The following RAB27A variants were observed in gnomAD, a reference collection of about 807,000 sequenced individuals.
RAB27A encodes the protein RAB27A, member RAS oncogene family.
RAB27A carries 17 observed loss-of-function variants against 20.8 expected under a neutral mutation model. That is an observed-to-expected ratio of 0.82 (90% CI 0.56 to 1.23). The LOEUF (loss-of-function observed/expected upper bound fraction) is 1.23. Among genes scored for constraint, RAB27A ranks in the 50% most tolerant of loss-of-function variants. RAB27A has a pLI of 0.00. For missense variants in RAB27A, 277 were observed against 266.7 expected, an observed-to-expected ratio of 1.04 and a Z score of -0.27; for synonymous variants, 85 against 92.8, an observed-to-expected ratio of 0.92 and a Z score of 0.48.
intron 2 of RAB27A, among the ~76,000 whole-genome samples, chr15:55,235,757 G>T (rs1420339695): frequency 6.6e-6 from 1 of 151,840 alleles, no homozygotes; most frequent in African/African-American, 2.4e-5. Context: ...TCAATGAGTA[G>T]ATAAAGAAAT....
intron 6 of RAB27A, among the ~76,000 whole-genome samples, chr15:55,211,666 G>A (rs1895031938): frequency 6.6e-6 from 1 of 152,006 alleles, no homozygotes; most frequent in African/African-American, 2.4e-5. Context: ...TAATCTTTAG[G>A]TTAGAAAAAA....
chr15:55,221,526 G>T (rs1895569697), intron 6 of RAB27A, among the ~76,000 whole-genome samples: 1 of 152,100 alleles, frequency 6.6e-6, no homozygotes, highest in Admixed American at 6.5e-5. Context: ...CTCCCCCTCA[G>T]AATCACCTAA....
intron 1 of RAB27A, among the ~76,000 whole-genome samples, chr15:55,283,148 G>C (rs1405757954): frequency 1.3e-5 from 2 of 152,128 alleles, no homozygotes; most frequent in Non-Finnish European, 2.9e-5. Context: ...ATAATCCTTT[G>C]TTGGGGGCTC....
At chr15:55,305,386 G>A (rs1042355524) in intron 2 of RAB27A, among the ~76,000 whole-genome samples, 3 of 152,188 alleles carry the variant, frequency 2.0e-5, no homozygotes, top group Non-Finnish European at 4.4e-5. Flanking sequence ...AGGGGTCCAC[G>A]GTAGATCTTA....
intron 5 of RAB27A, among the ~76,000 whole-genome samples, chr15:55,226,472 C>T (rs543336779): frequency 6.6e-6 from 1 of 152,080 alleles, no homozygotes; most frequent in Non-Finnish European, 1.5e-5. Flanking sequence ...TTTAATGCAA[C>T]ACTGTGTTCT....
chr15:55,275,765 T>C (rs1271892976), intron 1 of RAB27A, among the ~76,000 whole-genome samples: 3 of 151,798 alleles, frequency 2.0e-5, no homozygotes, highest in African/African-American at 7.3e-5. Context: ...AAAAATTTAA[T>C]GGGCGAAAGA....
intron 2 of RAB27A, among the ~76,000 whole-genome samples, chr15:55,311,755 C>A (rs968384408): frequency 1.3e-5 from 2 of 152,120 alleles, no homozygotes; most frequent in Admixed American, 1.3e-4. Context: ...GAATATAAGT[C>A]GTTTATTTCT....
chr15:55,206,921 T>C (rs977245700), intron 6 of RAB27A, among the ~76,000 whole-genome samples: 8 of 152,298 alleles, frequency 5.3e-5, no homozygotes, highest in African/African-American at 1.4e-4. Flanking sequence ...GCATTTCATA[T>C]AACTTGCAAA....
At chr15:55,300,208 C>G (rs2054966172) in intron 2 of RAB27A, among the ~76,000 whole-genome samples, 1 of 152,066 alleles carries the variant, frequency 6.6e-6, no homozygotes, top group African/African-American at 2.4e-5. Flanking sequence ...AAAGGGCAAC[C>G]TGCGTATGAC....
At chr15:55,316,099 G>C (rs1193674670) in intron 1 of RAB27A, among the ~76,000 whole-genome samples, 3 of 152,084 alleles carry the variant, frequency 2.0e-5, no homozygotes, top group African/African-American at 7.2e-5. Context: ...AGGTGTGGTG[G>C]TGCACACATG....
chr15:55,210,092 A>ATGTG (rs142523466), intron 6 of RAB27A, among the ~76,000 whole-genome samples: 1 of 143,572 alleles, frequency 7.0e-6, no homozygotes, highest in South Asian at 2.2e-4. Context: ...ATACACATAT[A>ATGTG]TGTGTGTATA....
At chr15:55,230,691 A>G (rs1337270509) in intron 3 of RAB27A, among the ~76,000 whole-genome samples, 2 of 152,106 alleles carry the variant, frequency 1.3e-5, no homozygotes, top group Non-Finnish European at 2.9e-5. Flanking sequence ...TATATATCTT[A>G]TAAATATATT....
chr15:55,240,760 T>C (rs532012415), intron 2 of RAB27A, among the ~76,000 whole-genome samples: 1 of 152,370 alleles, frequency 6.6e-6, no homozygotes, highest in African/African-American at 2.4e-5. Flanking sequence ...TTATCAATTC[T>C]AACATGCTTT....
chr15:55,287,333 G>A (rs1898183690), intron 1 of RAB27A, among the ~76,000 whole-genome samples: 1 of 152,168 alleles, frequency 6.6e-6, no homozygotes, highest in African/African-American at 2.4e-5. Flanking sequence ...AGAAGACTAG[G>A]GGAAAAGCAG....
At chr15:55,223,020 C>T (rs1487883315) in intron 6 of RAB27A, among the ~76,000 whole-genome samples, 3 of 152,008 alleles carry the variant, frequency 2.0e-5, no homozygotes, top group African/African-American at 7.3e-5. Context: ...TGCTATGATC[C>T]TATTCCCAGA....
rs1426246588 is a variant in RAB27A at position 55,203,748 on chromosome 15, T to A, written c.*1759A>T. 1 of 151,982 alleles carries A rather than the reference T, an allele frequency of 6.6e-6. No individual in the cohort carries two copies. The highest frequency in any genetic ancestry group is 6.6e-5 in the Admixed American group (1 of 15,240). The allele number at this position is 151,982 out of a possible 1,614,324, so 9.4% of individuals were successfully genotyped here. On this transcript the variant is annotated 3_prime_UTR_variant, in exon 7 of 7. Transcript: ENST00000336787. ...ACCCTGCTCTTGAAATGTCTAAATC[T>A]TTTCCTCACTAGCATATACAATTCA...
intron 2 of RAB27A, among the ~76,000 whole-genome samples, chr15:55,256,111 A>T (rs1424029206): frequency 6.6e-6 from 1 of 152,160 alleles, no homozygotes; most frequent in Non-Finnish European, 1.5e-5. Flanking sequence ...AGAGGCTGGG[A>T]GGTCAGAAAA....
intron 1 of RAB27A, among the ~76,000 whole-genome samples, chr15:55,274,141 G>C (rs1897784047): frequency 6.6e-6 from 1 of 152,064 alleles, no homozygotes; most frequent in Non-Finnish European, 1.5e-5. Flanking sequence ...ACATAATCCT[G>C]AACAGCCAAT....
chr15:55,240,556 G>A (rs1265862522), intron 2 of RAB27A, among the ~76,000 whole-genome samples: 1 of 152,044 alleles, frequency 6.6e-6, no homozygotes, highest in East Asian at 1.9e-4. Flanking sequence ...CTGAGTCTTG[G>A]CCAGTCTACC....
Sources: gnomAD v4.1 joint callset for allele counts (sites outside exome capture counted in the v4.1 genomes callset) on GRCh38, gnomAD v4.1.1 for gene constraint, MANE v1.5 for transcripts, NCBI Gene and HGNC (gene_info 2026-07-23, HGNC 2026-07-21) for gene names.